Variants in ADGRL2 observed in about 807,000 individuals in gnomAD.
ADGRL2 encodes adhesion G protein-coupled receptor L2, also known as calcium-independent alpha-latrotoxin receptor 2.
A neutral mutation model predicts 157.4 loss-of-function variants in ADGRL2; 44 were observed. The observed-to-expected ratio is 0.28, with a 90% CI of 0.22 to 0.36. The LOEUF (loss-of-function observed/expected upper bound fraction) is 0.36. Ranked by LOEUF, ADGRL2 falls within the 10% of genes least tolerant of loss-of-function variation. ADGRL2 has a pLI of 1.00. For synonymous variants in ADGRL2, 585 were observed against 624.7 expected (o/e 0.94, Z 0.95); for missense variants, 1,510 against 1,768.9 (o/e 0.85, Z 2.63).
chr1:81,349,874 A>G (rs138125521), intron 1 of ADGRL2, among the ~76,000 whole-genome samples: 1 of 152,126 alleles, frequency 6.6e-6, no homozygotes, highest in African/African-American at 2.4e-5. Flanking sequence ...AAAATCAAAC[A>G]ACAACAAAAA....
intron 3 of ADGRL2, among the ~76,000 whole-genome samples, chr1:81,912,295 C>T (rs2094747323): frequency 6.6e-6 from 1 of 152,088 alleles, no homozygotes; most frequent in African/African-American, 2.4e-5. Flanking sequence ...TGGTCTCGAA[C>T]TCTTGGCCTC....
At chr1:81,308,532 A>AGCTGAGGATAGATATAAAAAGTGGCT (rs1659510404) in intron 1 of ADGRL2, among the ~76,000 whole-genome samples, 1 of 152,164 alleles carries the variant, frequency 6.6e-6, no homozygotes, top group African/African-American at 2.4e-5. Flanking sequence ...TCAGCAGTCA[A>AGCTGAGGATAGATATAAAAAGTGGCT]GCTGAGGATA....
Position 81,981,712 on chromosome 1 carries a change from G to A in ADGRL2, c.3114-96G>A, listed in dbSNP as rs568525054. On this transcript the variant is annotated intron_variant, in intron 18 of 23. Coordinates refer to ENST00000686636, the MANE Select transcript of ADGRL2 (RefSeq NM_001366006.2). ...TGTTGAATATGAATGTGAACATAGA[G>A]AAAGTCAACTGCTACTACTGATATG... 8.0e-5 allele frequency: 77 copies of A among 967,982 alleles called. No individual in the cohort carries two copies. The African/African-American group carries it at 1.2e-3, about 15-fold the overall frequency. 60.0% of individuals were successfully genotyped at this position (967,982 alleles called of 1,614,324 possible). A position where few individuals can be genotyped will look rare whatever the true frequency, so the allele number is the denominator to read the frequency against.
At chr1:81,509,908 T>C (rs529932748) in intron 2 of ADGRL2, among the ~76,000 whole-genome samples, 1 of 152,300 alleles carries the variant, frequency 6.6e-6, no homozygotes, top group South Asian at 2.1e-4. Context: ...TCCTTGCGAG[T>C]CTGCCCAACA....
intron 1 of ADGRL2, among the ~76,000 whole-genome samples, chr1:81,407,274 C>A (rs1313193483): frequency 6.6e-6 from 1 of 152,190 alleles, no homozygotes; most frequent in Non-Finnish European, 1.5e-5. Flanking sequence ...TGAAAACCAG[C>A]CTCCTGGATC....
intron 3 of ADGRL2, among the ~76,000 whole-genome samples, chr1:81,634,681 G>T (rs564463365): frequency 6.6e-6 from 1 of 151,890 alleles, no homozygotes; most frequent in African/African-American, 2.4e-5. Context: ...ACGCCATCAC[G>T]TTTGGCTAAT....
At chr1:81,802,115 C>T (rs1190916402) in intron 1 of ADGRL2, among the ~76,000 whole-genome samples, 2 of 150,164 alleles carry the variant, frequency 1.3e-5, no homozygotes, top group Admixed American at 6.6e-5. Flanking sequence ...GGCCGAGGAC[C>T]CGCTCGCGGC....
intron 2 of ADGRL2, among the ~76,000 whole-genome samples, chr1:81,882,377 T>C (rs540115261): frequency 2.7e-4 from 41 of 152,206 alleles, no homozygotes; most frequent in Non-Finnish European, 5.1e-4. Flanking sequence ...TAAAAATTAA[T>C]TTTATCTTAA....
chr1:81,910,965 G>A (rs1184884795), intron 3 of ADGRL2, among the ~76,000 whole-genome samples: 1 of 151,520 alleles, frequency 6.6e-6, no homozygotes. Flanking sequence ...GATGGGCATA[G>A]AAATTTCAGT....
chr1:81,459,029 C>A (rs1195648074), intron 2 of ADGRL2, among the ~76,000 whole-genome samples: 1 of 152,124 alleles, frequency 6.6e-6, no homozygotes, highest in Admixed American at 6.5e-5. Context: ...GGGTAACCCT[C>A]TGTGTGAGAG....
intron 3 of ADGRL2, among the ~76,000 whole-genome samples, chr1:81,617,845 G>T (rs2081695427): frequency 6.6e-6 from 1 of 152,126 alleles, no homozygotes; most frequent in African/African-American, 2.4e-5. Context: ...CCCTTTGCTG[G>T]GGTCATTGGA....
chr1:81,385,597 CA>C (rs35419524), intron 1 of ADGRL2, among the ~76,000 whole-genome samples: 51,014 of 142,576 alleles, frequency 0.36, 9,044 homozygotes, highest in Non-Finnish European at 0.42. Context: ...GGGAGAGTGG[CA>C]AAAAAAAAAA....
chr1:81,343,438 A>G (rs1662235529), intron 1 of ADGRL2, among the ~76,000 whole-genome samples: 1 of 152,190 alleles, frequency 6.6e-6, no homozygotes, highest in Non-Finnish European at 1.5e-5. Context: ...TTGTGTGTAC[A>G]ATAAAAACAT....
chr1:81,800,076 A>G (rs1325394905), upstream of ADGRL2, among the ~76,000 whole-genome samples: 1 of 152,226 alleles, frequency 6.6e-6, no homozygotes, highest in East Asian at 1.9e-4. Flanking sequence ...AGAGGACAAG[A>G]GCAAAGGCAG....
chr1:81,985,526 GA>G (rs1319645505), intron 21 of ADGRL2, 171 bp downstream of exon 21: 3 of 431,656 alleles, frequency 6.9e-6, no homozygotes, highest in Non-Finnish European at 1.3e-5. Flanking sequence ...TTATCCTAGG[GA>G]GTACAGATTT....
intron 1 of ADGRL2, among the ~76,000 whole-genome samples, chr1:81,429,898 T>C (rs1246417044): frequency 6.6e-6 from 1 of 152,128 alleles, no homozygotes; most frequent in Non-Finnish European, 1.5e-5. Context: ...TTGTTGTTGT[T>C]GTTGTTGTTT....
chr1:81,983,279 C>T (rs1253035570), intron 19 of ADGRL2, among the ~76,000 whole-genome samples: 1 of 151,762 alleles, frequency 6.6e-6, no homozygotes, highest in Non-Finnish European at 1.5e-5. Context: ...TGGATACATC[C>T]AGTTGGGTGC....
intron 1 of ADGRL2, among the ~76,000 whole-genome samples, chr1:81,753,568 C>T (rs1160623354): frequency 6.6e-6 from 1 of 151,998 alleles, no homozygotes; most frequent in Non-Finnish European, 1.5e-5. Flanking sequence ...GATTTATTTG[C>T]CCAAAAGTAT....
At chr1:81,660,909 A>G (rs1239256775) in intron 3 of ADGRL2, among the ~76,000 whole-genome samples, 1 of 152,196 alleles carries the variant, frequency 6.6e-6, no homozygotes, top group Non-Finnish European at 1.5e-5. Context: ...CATAGAAAAC[A>G]TGTAACTGTT....
Sources: allele counts gnomAD v4.1 joint callset (sites outside exome capture counted in the v4.1 genomes callset), GRCh38; gene constraint gnomAD v4.1.1; transcripts MANE v1.5; gene names NCBI Gene and HGNC (gene_info 2026-07-23, HGNC 2026-07-21).